The following DEUP1 variants were observed in gnomAD, a reference collection of about 807,000 sequenced individuals.
The protein encoded by DEUP1 is deuterosome assembly protein 1.
A neutral mutation model predicts 87.4 loss-of-function variants in DEUP1; 82 were observed. The ratio of observed to expected loss-of-function variants is 0.94; its 90% CI spans 0.78 to 1.13. The LOEUF (loss-of-function observed/expected upper bound fraction) is 1.13, where lower values mean the gene tolerates loss of function less well. DEUP1 is among the 50% of genes most tolerant of loss of function. DEUP1 has a pLI of 0.00. For synonymous variants in DEUP1, 214 were observed against 222.7 expected (o/e 0.96, Z 0.35); for missense variants, 663 against 681.5 (o/e 0.97, Z 0.30).
In DEUP1 at chr11:93,437,744, C is replaced by CCA; in HGVS notation, c.*26_*27insAC. 2 of 857,814 alleles carry CCA rather than the reference C, an allele frequency of 2.3e-6. No individual in the cohort carries two copies. The highest frequency in any genetic ancestry group is 1.7e-6 in the Non-Finnish European group (1 of 603,708). The allele number at this position is 857,814 out of a possible 1,614,324, so 53.1% of individuals were successfully genotyped here. ...AGCTTTTAAACTTTTTTATTTGCTT[C>CCA]CCCCCCCCACCCCCGCCAAGAAAAA... On this transcript the variant is annotated 3_prime_UTR_variant, in exon 14 of 14. Transcript: ENST00000298050.
intron 13 of DEUP1, among the ~76,000 whole-genome samples, chr11:93,419,119 A>G (rs1028251814): frequency 4.0e-5 from 6 of 151,848 alleles, no homozygotes; most frequent in Non-Finnish European, 8.8e-5. Flanking sequence ...CCAGCATGTC[A>G]CATGTATACA....
intron 8 of DEUP1, among the ~76,000 whole-genome samples, chr11:93,386,142 C>G (rs929004320): frequency 2.0e-5 from 3 of 151,918 alleles, no homozygotes; most frequent in East Asian, 1.9e-4. Flanking sequence ...TTTTTAAATG[C>G]CTTTGTTTTG....
intron 2 of DEUP1, among the ~76,000 whole-genome samples, chr11:93,332,968 C>T (rs1565285747): frequency 6.6e-6 from 1 of 152,172 alleles, no homozygotes; most frequent in Admixed American, 6.5e-5. Context: ...TTGCAACTGA[C>T]TTTGGCGCTA....
rs969857638 is a variant in DEUP1, at chr11:93,349,407, T to C, written c.30-5964T>C. Among the ~76,000 whole-genome samples, 5 of 100,620 alleles carry C rather than the reference T, an allele frequency of 5.0e-5. No homozygotes were observed. In the East Asian group the frequency reaches 1.4e-3, roughly 29 times the overall value. 66.0% of individuals were successfully genotyped at this position (100,620 alleles called of 152,430 possible). A position where few individuals can be genotyped will look rare whatever the true frequency, so the allele number is the denominator to read the frequency against. Reference sequence around the variant, plus strand: ...TAAGAATAAACCCACCTTGAAACAATGTGATATCTGCTTTACCCTTTCCTC... The same window carrying C: ...TAAGAATAAACCCACCTTGAAACAACGTGATATCTGCTTTACCCTTTCCTC... On this transcript the variant is annotated intron_variant, in intron 2 of 13. Transcript: ENST00000298050.
At chr11:93,353,308 G>A (rs1944720950) in intron 2 of DEUP1, among the ~76,000 whole-genome samples, 1 of 152,354 alleles carries the variant, frequency 6.6e-6, no homozygotes, top group Middle Eastern at 3.4e-3. Flanking sequence ...GATGCAAAAG[G>A]TGGGTTCCCA....
intron 10 of DEUP1, among the ~76,000 whole-genome samples, chr11:93,395,854 C>G (rs760383617): frequency 4.6e-5 from 7 of 152,008 alleles, no homozygotes; most frequent in Non-Finnish European, 1.0e-4. Flanking sequence ...TTATGTATTG[C>G]CTATTGTAAA....
At chr11:93,375,593 C>T (rs563871686) in intron 7 of DEUP1, among the ~76,000 whole-genome samples, 2 of 152,246 alleles carry the variant, frequency 1.3e-5, no homozygotes, top group African/African-American at 4.8e-5. Flanking sequence ...CATTTATTGA[C>T]TTGCATATGT....
At chr11:93,368,182 A>G (rs939272395) in intron 5 of DEUP1, among the ~76,000 whole-genome samples, 3 of 152,236 alleles carry the variant, frequency 2.0e-5, no homozygotes, top group African/African-American at 7.2e-5. Flanking sequence ...TTTCCCAGTT[A>G]TACCAATTGG....
At position 93,355,553 on chromosome 11, in the gene DEUP1, C is replaced by T. The variant is rs749812095; in HGVS notation, c.201+11C>T. 6.3e-6 allele frequency: 10 copies of T among 1,595,690 alleles called. No homozygotes were observed. The highest frequency in any genetic ancestry group is 8.5e-6 in the Non-Finnish European group (10 of 1,170,406). ...CAGAAAGGTCAAGAGGTACTGAATACATATGTTAACAAATTGCTAATTCAT... is the reference window on the plus strand; with the variant it reads ...CAGAAAGGTCAAGAGGTACTGAATATATATGTTAACAAATTGCTAATTCAT... On this transcript the variant is annotated intron_variant, in intron 3 of 13. Transcript: ENST00000298050.
intron 11 of DEUP1, among the ~76,000 whole-genome samples, chr11:93,404,188 C>T (rs1376428916): frequency 2.0e-5 from 3 of 151,970 alleles, no homozygotes; most frequent in African/African-American, 7.2e-5. Context: ...TACCTGGTAT[C>T]TAAGGTTTCC....
intron 12 of DEUP1, among the ~76,000 whole-genome samples, chr11:93,408,964 C>T (rs1947358070): frequency 6.6e-6 from 1 of 151,926 alleles, no homozygotes; most frequent in Non-Finnish European, 1.5e-5. Context: ...TCAAGTAATT[C>T]TCATGCCTCA....
intron 2 of DEUP1, among the ~76,000 whole-genome samples, chr11:93,338,353 C>T (rs980664395): frequency 3.3e-5 from 5 of 152,030 alleles, no homozygotes; most frequent in Middle Eastern, 3.5e-3. Context: ...TCTCTTCTGT[C>T]ACACCACAGG....
At position 93,437,751 on chromosome 11, in the gene DEUP1, C is replaced by CCG. The variant is rs1555068658; in HGVS notation, c.*33_*34insGC. On this transcript the variant is annotated 3_prime_UTR_variant, in exon 14 of 14. Transcript: ENST00000298050. The stretch of plus-strand genomic sequence containing the variant: ...AAACTTTTTTATTTGCTTCCCCCCC[C>CCG]CACCCCCGCCAAGAAAAAAAGCTCT... 1.9e-6 allele frequency: 2 copies of CCG among 1,045,386 alleles called. No homozygotes were observed. Among genetic ancestry groups the CCG allele is most frequent in the South Asian group, 1.5e-5 (1 of 67,242 alleles). 64.8% of individuals were successfully genotyped at this position (1,045,386 alleles called of 1,614,324 possible). A position where few individuals can be genotyped will look rare whatever the true frequency, so the allele number is the denominator to read the frequency against.
At chr11:93,392,987 T>G (rs996865026) in intron 9 of DEUP1, among the ~76,000 whole-genome samples, 4 of 145,234 alleles carry the variant, frequency 2.8e-5, no homozygotes, top group Admixed American at 6.9e-5. Context: ...CTCCGAGCCC[T>G]CCTCCTCCTC....
chr11:93,341,456 T>C (rs984809768), intron 2 of DEUP1, among the ~76,000 whole-genome samples: 12 of 152,166 alleles, frequency 7.9e-5, no homozygotes, highest in Admixed American at 1.3e-4. Context: ...CTTCTTTTTC[T>C]TCCCAGTCTC....
chr11:93,368,545 A>G, intron 5 of DEUP1, among the ~76,000 whole-genome samples: 1 of 152,142 alleles, frequency 6.6e-6, no homozygotes, highest in East Asian at 1.9e-4. Context: ...ACAGGAGAGA[A>G]AGAGAGAGAA....
At chr11:93,394,392 A>T in intron 9 of DEUP1, 67 bp from the exon 10 acceptor site, 1 of 1,202,822 alleles carries the variant, frequency 8.3e-7, no homozygotes, top group Non-Finnish European at 1.1e-6. Context: ...GAACATGGCC[A>T]GTAAAATTTT....
chr11:93,377,518 G>A (rs867507412), intron 7 of DEUP1, among the ~76,000 whole-genome samples: 57 of 152,018 alleles, frequency 3.7e-4, no homozygotes, highest in African/African-American at 1.3e-3. Flanking sequence ...TATGTGTCAG[G>A]TGAGTCTCTT....
chr11:93,393,940 A>G (rs1235287260), intron 9 of DEUP1, among the ~76,000 whole-genome samples: 1 of 152,202 alleles, frequency 6.6e-6, no homozygotes, highest in Non-Finnish European at 1.5e-5. Context: ...AAGGGAAGTG[A>G]TGAGTTTTCA....
Sources: gnomAD v4.1 joint callset for allele counts (sites outside exome capture counted in the v4.1 genomes callset) on GRCh38, gnomAD v4.1.1 for gene constraint, MANE v1.5 for transcripts, NCBI Gene and HGNC (gene_info 2026-07-23, HGNC 2026-07-21) for gene names.